The following NAALADL2 variants were observed in gnomAD, a reference collection of about 807,000 sequenced individuals.
NAALADL2 encodes the protein inactive N-acetylated-alpha-linked acidic dipeptidase-like protein 2.
Under a neutral mutation model 87.2 loss-of-function variants are expected in NAALADL2, and 76 were observed. The observed-to-expected ratio is 0.87, with a 90% CI of 0.72 to 1.05. The LOEUF is 1.05. NAALADL2 is among the 50% of genes least tolerant of loss of function. The probability of loss-of-function intolerance (pLI) is 0.00; values close to 1 mark genes in which losing one functional copy is unlikely to be tolerated. For synonymous variants in NAALADL2, 354 were observed against 331.0 expected (o/e 1.07, Z -0.75); for missense variants, 1,089 against 945.8 (o/e 1.15, Z -1.99).
intron 2 of NAALADL2, among the ~76,000 whole-genome samples, chr3:174,708,593 A>C (rs539889122): frequency 6.6e-6 from 1 of 152,296 alleles, no homozygotes; most frequent in Admixed American, 6.5e-5. Context: ...AAGTTTATAA[A>C]TTTTATGAGT....
chr3:174,891,145 A>G (rs894067366), intron 1 of NAALADL2, among the ~76,000 whole-genome samples: 1 of 152,150 alleles, frequency 6.6e-6, no homozygotes, highest in Non-Finnish European at 1.5e-5. Context: ...TAGATAAGTA[A>G]CGCAACATTT....
intron 2 of NAALADL2, among the ~76,000 whole-genome samples, chr3:175,199,379 A>G (rs1739467985): frequency 6.6e-6 from 1 of 152,082 alleles, no homozygotes; most frequent in African/African-American, 2.4e-5. Flanking sequence ...GGGAGAGTAT[A>G]TTGCTGCTAC....
chr3:175,599,812 T>C (rs79578809), intron 10 of NAALADL2, among the ~76,000 whole-genome samples: 6,540 of 152,210 alleles, frequency 0.043, 465 homozygotes, highest in African/African-American at 0.15. Context: ...CTATATGTAC[T>C]AGTCAGCATT....
At chr3:174,845,498 T>A (rs1478225659) in intron 3 of NAALADL2, among the ~76,000 whole-genome samples, 1 of 152,168 alleles carries the variant, frequency 6.6e-6, no homozygotes, top group Non-Finnish European at 1.5e-5. Context: ...GCAAGACCAT[T>A]TCCCCTGGTG....
chr3:175,613,466 G>A (rs142645529), intron 10 of NAALADL2, among the ~76,000 whole-genome samples: 27 of 152,256 alleles, frequency 1.8e-4, no homozygotes, highest in African/African-American at 5.5e-4. Context: ...ATTCATGTCT[G>A]AAATTTATAT....
At chr3:174,849,430 A>T (rs943005049) in intron 3 of NAALADL2, among the ~76,000 whole-genome samples, 3 of 151,566 alleles carry the variant, frequency 2.0e-5, no homozygotes, top group Admixed American at 1.3e-4. Flanking sequence ...AAAATTTTCA[A>T]TTTTTTTTGC....
chr3:174,780,631 C>A (rs1319687197), intron 3 of NAALADL2, among the ~76,000 whole-genome samples: 1 of 152,050 alleles, frequency 6.6e-6, no homozygotes, highest in Non-Finnish European at 1.5e-5. Flanking sequence ...CCATAAATAG[C>A]TCTTATTATT....
rs138520412 is a variant in NAALADL2, at chr3:175,466,803, G to T, written c.1328-176G>T. 1.5e-3 allele frequency among the ~76,000 whole-genome samples: 230 copies of T among 152,128 alleles called. No individual in the cohort carries two copies. The highest frequency in any genetic ancestry group is 5.3e-3 in the African/African-American group (220 of 41,432). On this transcript the variant is annotated intron_variant, in intron 7 of 13. Transcript: ENST00000454872. Reference sequence around the variant, plus strand: ...TGGGTTCAGCAGCTGCCTCTGCTTTGATATACACAGATGTGTGAATTAAGA... The same window carrying T: ...TGGGTTCAGCAGCTGCCTCTGCTTTTATATACACAGATGTGTGAATTAAGA...
chr3:174,844,072 T>C (rs931515470), intron 3 of NAALADL2, among the ~76,000 whole-genome samples: 1 of 152,214 alleles, frequency 6.6e-6, no homozygotes, highest in African/African-American at 2.4e-5. Context: ...TTTGAGGTCG[T>C]ATTTTAAAAA....
rs192694090 is a variant in NAALADL2, at chr3:175,449,826, A to G, written c.1234+2454A>G. On this transcript the variant is annotated intron_variant, in intron 6 of 13. Transcript: ENST00000454872. ...TTGAGATATACACCCATGTTAAAGC[A>G]AGAAAGATAGGCCTACTTTCTAAGG... Among the ~76,000 whole-genome samples the G allele has an allele frequency of 7.9e-5, 12 of 152,352 alleles. No homozygotes were observed. In the East Asian group the frequency reaches 2.1e-3, roughly 27 times the overall value.
Position 175,053,208 on chromosome 3 carries a change from G to A in NAALADL2, c.44-43582G>A, listed in dbSNP as rs577113731. On this transcript the variant is annotated intron_variant, in intron 1 of 13. Transcript: ENST00000454872. ...TATGTCATAGAGTGATTACATCCAGGCATTATTGCCAGCCAAGATTGATAA... is the reference window on the plus strand; with the variant it reads ...TATGTCATAGAGTGATTACATCCAGACATTATTGCCAGCCAAGATTGATAA... Among the ~76,000 whole-genome samples the A allele has an allele frequency of 3.3e-5, 5 of 152,164 alleles. 1 individual carries two copies. The highest frequency in any genetic ancestry group is 1.2e-4 in the African/African-American group (5 of 41,486).
intron 2 of NAALADL2, among the ~76,000 whole-genome samples, chr3:174,720,878 A>G (rs1357921949): frequency 6.6e-6 from 1 of 152,208 alleles, no homozygotes; most frequent in Non-Finnish European, 1.5e-5. Flanking sequence ...AAAGTGTAAT[A>G]GTTCTTAGAG....
intron 2 of NAALADL2, among the ~76,000 whole-genome samples, chr3:174,668,082 T>C (rs1261481700): frequency 2.0e-5 from 3 of 152,106 alleles, no homozygotes; most frequent in Non-Finnish European, 4.4e-5. Context: ...GGTGATATCT[T>C]CTTATGGTTT....
At chr3:174,820,794 T>G (rs917146166) in intron 3 of NAALADL2, among the ~76,000 whole-genome samples, 10 of 151,872 alleles carry the variant, frequency 6.6e-5, no homozygotes, top group Non-Finnish European at 1.0e-4. Flanking sequence ...AAAAGTAGTA[T>G]TATATTATTT....
intron 9 of NAALADL2, among the ~76,000 whole-genome samples, chr3:175,497,933 T>A (rs1390199028): frequency 2.6e-5 from 4 of 152,094 alleles, no homozygotes; most frequent in African/African-American, 9.6e-5. Context: ...AGTGCCTCTC[T>A]CAGAAAAACC....
At chr3:175,453,663 A>T (rs937911374) in intron 6 of NAALADL2, among the ~76,000 whole-genome samples, 1 of 152,072 alleles carries the variant, frequency 6.6e-6, no homozygotes, top group African/African-American at 2.4e-5. Context: ...TCCTCTTCAT[A>T]ATTGAATTAT....
At chr3:174,696,621 C>CTAT (rs1729044684) in intron 2 of NAALADL2, among the ~76,000 whole-genome samples, 1 of 137,140 alleles carries the variant, frequency 7.3e-6, no homozygotes, top group South Asian at 2.3e-4. Flanking sequence ...AAAAAAAGCC[C>CTAT]TACTTATTTA....
At chr3:175,608,607 A>C (rs151250386) in intron 10 of NAALADL2, among the ~76,000 whole-genome samples, 1 of 152,020 alleles carries the variant, frequency 6.6e-6, no homozygotes, top group African/African-American at 2.4e-5. Flanking sequence ...AAATGAGACA[A>C]TCCTTTAAAC....
intron 1 of NAALADL2, among the ~76,000 whole-genome samples, chr3:174,506,361 A>G (rs899362561): frequency 1.3e-5 from 2 of 151,822 alleles, no homozygotes; most frequent in African/African-American, 2.4e-5. Flanking sequence ...TTGTATTTTT[A>G]GAAGAGACAG....
Sources: gnomAD v4.1 joint callset for allele counts (sites outside exome capture counted in the v4.1 genomes callset) on GRCh38, gnomAD v4.1.1 for gene constraint, MANE v1.5 for transcripts, NCBI Gene and HGNC (gene_info 2026-07-23, HGNC 2026-07-21) for gene names.